POLA1: variants seen among roughly 807,000 people sequenced by gnomAD.
POLA1 encodes the protein DNA polymerase alpha catalytic subunit.
Under a neutral mutation model 124.0 loss-of-function variants are expected in POLA1, and 15 were observed. The observed-to-expected ratio is 0.12, with a 90% CI of 0.08 to 0.19. The LOEUF is 0.19. Ranked by LOEUF, POLA1 falls within the 10% of genes least tolerant of loss-of-function variation. POLA1 has a pLI of 1.00. For synonymous variants in POLA1, 408 were observed against 389.4 expected (o/e 1.05, Z -0.56); for missense variants, 886 against 1,103.4 (o/e 0.80, Z 2.79).
chrX:24,962,117 G>A (rs374038684), intron 36 of POLA1, among the ~76,000 whole-genome samples: 88 of 111,015 alleles, frequency 7.9e-4, no homozygotes, highest in African/African-American at 2.8e-3. Context: ...AATCTTAACT[G>A]TGAAATGGGT....
At chrX:24,935,950 G>C (rs996918655) in intron 36 of POLA1, among the ~76,000 whole-genome samples, 10 of 112,777 alleles carry the variant, frequency 8.9e-5, no homozygotes, top group African/African-American at 3.2e-4. Context: ...GATACTGAAG[G>C]TAGGTAACAT....
At chrX:24,918,026 C>A (rs1052713301) in intron 35 of POLA1, among the ~76,000 whole-genome samples, 5 of 110,857 alleles carry the variant, frequency 4.5e-5, no homozygotes, top group African/African-American at 1.6e-4. Context: ...GTCTGTCCGA[C>A]TCTGGAAGCC....
intron 34 of POLA1, among the ~76,000 whole-genome samples, chrX:24,859,285 G>A (rs1211634961): frequency 1.8e-5 from 2 of 111,426 alleles, no homozygotes; most frequent in Non-Finnish European, 3.8e-5. Flanking sequence ...TCAGATTTGG[G>A]AGCACTGCAT....
At chrX:24,709,075 C>A (rs1929068273) in intron 4 of POLA1, among the ~76,000 whole-genome samples, 1 of 93,669 alleles carries the variant, frequency 1.1e-5, no homozygotes, top group East Asian at 3.9e-4. Flanking sequence ...GCTGACACCC[C>A]CACCTCCCTC....
At chrX:24,716,821 T>C in intron 7 of POLA1, 63 bp from the exon 8 acceptor site, 1 of 650,571 alleles carries the variant, frequency 1.5e-6, no homozygotes, top group South Asian at 2.5e-5. Context: ...TTGGTCAGGG[T>C]AGGACAGTTG....
chrX:24,960,518 C>T (rs750995192), intron 36 of POLA1, among the ~76,000 whole-genome samples: 1 of 111,495 alleles, frequency 9.0e-6, no homozygotes, highest in Admixed American at 9.5e-5. Context: ...CGATGGAAAG[C>T]TACTAAATTT....
chrX:24,878,485 T>A (rs936385066), intron 34 of POLA1, among the ~76,000 whole-genome samples: 1 of 111,383 alleles, frequency 9.0e-6, no homozygotes, highest in Non-Finnish European at 1.9e-5. Context: ...GCACACTGAA[T>A]AAAGGCAGGG....
intron 34 of POLA1, among the ~76,000 whole-genome samples, chrX:24,856,627 TC>T (rs1227186133): frequency 8.9e-6 from 1 of 111,768 alleles, no homozygotes; most frequent in Non-Finnish European, 1.9e-5. Flanking sequence ...GTATGAGAGT[TC>T]CATTTACTGG....
At chrX:24,744,238 C>T (rs1206045738) in intron 23 of POLA1, among the ~76,000 whole-genome samples, 3 of 112,259 alleles carry the variant, frequency 2.7e-5, no homozygotes, top group African/African-American at 9.7e-5. Context: ...TGAAATGGAG[C>T]AGTAGTACTT....
At chrX:24,889,914 A>C (rs191614397) in intron 35 of POLA1, among the ~76,000 whole-genome samples, 23 of 111,573 alleles carry the variant, frequency 2.1e-4, no homozygotes, top group Non-Finnish European at 1.3e-4. Context: ...ATTTCACAAA[A>C]TTTGGCAACT....
At chrX:24,815,753 A>G (rs1015506490) in intron 30 of POLA1, among the ~76,000 whole-genome samples, 1 of 111,467 alleles carries the variant, frequency 9.0e-6, no homozygotes, top group Non-Finnish European at 1.9e-5. Flanking sequence ...TTTGTGGTAG[A>G]TTTCGTTGTC....
chrX:24,912,484 A>G (rs971131608), intron 35 of POLA1, among the ~76,000 whole-genome samples: 1 of 112,171 alleles, frequency 8.9e-6, no homozygotes, highest in Admixed American at 9.5e-5. Flanking sequence ...TCCTGTATCC[A>G]GTATATATAA....
intron 36 of POLA1, among the ~76,000 whole-genome samples, chrX:24,968,051 T>G (rs1417406647): frequency 8.9e-6 from 1 of 112,085 alleles, no homozygotes; most frequent in East Asian, 2.8e-4. Flanking sequence ...GCATCTAGAC[T>G]TAGCACTAGT....
intron 26 of POLA1, among the ~76,000 whole-genome samples, chrX:24,807,679 A>G (rs1225619561): frequency 9.0e-6 from 1 of 111,718 alleles, no homozygotes; most frequent in Non-Finnish European, 1.9e-5. Context: ...AGGAGCTTGT[A>G]GTCTAGTTTG....
chrX:24,814,891 C>A, intron 29 of POLA1, 88 bp from the exon 30 acceptor site: 1 of 814,621 alleles, frequency 1.2e-6, no homozygotes, highest in South Asian at 3.2e-5. Flanking sequence ...AATCTAATGG[C>A]ATTTCTCTTC....
At chrX:24,864,403 A>G (rs1416482029) in intron 34 of POLA1, among the ~76,000 whole-genome samples, 1 of 112,317 alleles carries the variant, frequency 8.9e-6, no homozygotes, top group Non-Finnish European at 1.9e-5. Context: ...CCTATTTTGT[A>G]TACCACTCTA....
intron 15 of POLA1, among the ~76,000 whole-genome samples, chrX:24,728,192 A>G: frequency 8.9e-6 from 1 of 112,519 alleles, no homozygotes; most frequent in Non-Finnish European, 1.9e-5. Flanking sequence ...CACAGACAGA[A>G]TAATAAAATG....
At chrX:24,839,890 C>G (rs1280758290) in intron 32 of POLA1, among the ~76,000 whole-genome samples, 1 of 111,865 alleles carries the variant, frequency 8.9e-6, no homozygotes, top group African/African-American at 3.2e-5. Flanking sequence ...GACAGTTACC[C>G]CTCACTACAG....
intron 35 of POLA1, among the ~76,000 whole-genome samples, chrX:24,904,297 C>G (rs1402233026): frequency 1.8e-5 from 2 of 110,998 alleles, no homozygotes; most frequent in Non-Finnish European, 3.8e-5. Context: ...TGATATTCCC[C>G]TGCCTAAATG....
Sources: allele counts gnomAD v4.1 joint callset (sites outside exome capture counted in the v4.1 genomes callset), GRCh38; gene constraint gnomAD v4.1.1; transcripts MANE v1.5; gene names NCBI Gene and HGNC (gene_info 2026-07-23, HGNC 2026-07-21).